Variants in HSPA4 observed in about 807,000 individuals in gnomAD.
HSPA4 encodes heat shock protein family A (Hsp70) member 4.
HSPA4 carries 25 observed loss-of-function variants against 106.2 expected under a neutral mutation model. That is an observed-to-expected ratio of 0.24 (90% CI 0.17 to 0.33). The LOEUF (loss-of-function observed/expected upper bound fraction) is 0.33. HSPA4 is among the 10% of genes least tolerant of loss of function. The probability of loss-of-function intolerance (pLI) is 1.00; values close to 1 mark genes in which losing one functional copy is unlikely to be tolerated. For synonymous variants in HSPA4, 332 were observed against 333.6 expected (o/e 1.00, Z 0.05); for missense variants, 841 against 996.0 (o/e 0.84, Z 2.10).
chr5:133,055,179 C>T (rs1765144267), intron 1 of HSPA4, among the ~76,000 whole-genome samples: 1 of 152,056 alleles, frequency 6.6e-6, no homozygotes, highest in Non-Finnish European at 1.5e-5. Context: ...TATTTTCCTT[C>T]ATAGTTTTCA....
chr5:133,090,305 C>T (rs192150642), intron 11 of HSPA4, among the ~76,000 whole-genome samples: 3,303 of 151,806 alleles, frequency 0.022, 111 homozygotes, highest in African/African-American at 0.075. Flanking sequence ...GTGGCGGGCG[C>T]CTGTAATCCC....
chr5:133,097,660 T>C (rs1032912175), intron 15 of HSPA4, among the ~76,000 whole-genome samples: 15 of 149,872 alleles, frequency 1.0e-4, no homozygotes, highest in African/African-American at 3.7e-4. Flanking sequence ...GCAGTTCTCC[T>C]CCCCCAGCCT....
intron 7 of HSPA4, among the ~76,000 whole-genome samples, chr5:133,081,838 C>T (rs999633570): frequency 7.2e-5 from 11 of 152,068 alleles, no homozygotes; most frequent in African/African-American, 2.7e-4. Flanking sequence ...GCGCTCCAGC[C>T]TGGGTGACAG....
Position 133,052,152 on chromosome 5 carries a change from G to C in HSPA4, c.-99G>C, listed in dbSNP as rs1269975399. The stretch of plus-strand genomic sequence containing the variant: ...ACACCGCAAGCCCCTCAGTAGCCTC[G>C]GCCCAAGAGGCCTGCTTTCCACTCG... On this transcript the variant is annotated 5_prime_UTR_variant, in exon 1 of 19. Coordinates refer to ENST00000304858, the MANE Select transcript of HSPA4 (RefSeq NM_002154.4). 1 of 779,472 alleles carries C rather than the reference G, an allele frequency of 1.3e-6. No individual in the cohort carries two copies. The highest frequency in any genetic ancestry group is 2.1e-6 in the Non-Finnish European group (1 of 476,952). The allele number at this position is 779,472 out of a possible 1,614,324, so 48.3% of individuals were successfully genotyped here.
At chr5:133,074,254 AT>A (rs1050579373) in intron 6 of HSPA4, 128 bp downstream of exon 6, 3 of 483,444 alleles carry the variant, frequency 6.2e-6, no homozygotes, top group African/African-American at 4.1e-5. Context: ...TATTCAGAGG[AT>A]TTTTTTTCTT....
rs185632782 is a variant in HSPA4 at position 133,058,894 on chromosome 5, G to A, written c.108-6086G>A. 2.7e-4 allele frequency among the ~76,000 whole-genome samples: 41 copies of A among 151,914 alleles called. No homozygotes were observed. The East Asian group carries it at 7.8e-3, about 29-fold the overall frequency. ...TGTAATCCCAGCACTTTCGAAGGCC[G>A]AGGTGGGCAAATCCCCTGAGGCCAG... On this transcript the variant is annotated intron_variant, in intron 1 of 18. Coordinates refer to ENST00000304858, the MANE Select transcript of HSPA4 (RefSeq NM_002154.4).
At position 133,104,279 on chromosome 5, in the gene HSPA4, A is replaced by C; in HGVS notation, c.2366A>C (p.Lys789Thr). The C allele has an allele frequency of 6.2e-7, 1 of 1,614,162 alleles. No individual in the cohort carries two copies. Among genetic ancestry groups the C allele is most frequent in the East Asian group, 2.2e-5 (1 of 44,884 alleles). The change falls in exon 19 of 19, where the codon AAA becomes ACA. Residue 789 changes from lysine (K) to threonine (T), a missense_variant. Physicochemically the swap from Lys to Thr is moderately conservative, Grantham distance 78. Coordinates refer to ENST00000304858, the MANE Select transcript of HSPA4 (RefSeq NM_002154.4). ...CSPIISKPKP[K>T]VEPPKEEQKN... ...CCTATAATTTCAAAGCCCAAACCCA[A>C]AGTGGAACCTCCAAAAGAGGAACAA...
At chr5:133,067,653 G>A (rs1765325476) in intron 3 of HSPA4, 96 bp downstream of exon 3, 1 of 1,082,256 alleles carries the variant, frequency 9.2e-7, no homozygotes. Flanking sequence ...AGATTGCAAT[G>A]AAAATGCTTA....
At position 133,104,674 on chromosome 5, in the gene HSPA4, A is replaced by G; in HGVS notation, c.*238A>G. 1 of 481,702 alleles carries G rather than the reference A, an allele frequency of 2.1e-6. No individual in the cohort carries two copies. Among genetic ancestry groups the G allele is most frequent in the Non-Finnish European group, 3.7e-6 (1 of 267,672 alleles). The allele number at this position is 481,702 out of a possible 1,614,324, so 29.8% of individuals were successfully genotyped here. A position where few individuals can be genotyped will look rare whatever the true frequency, so the allele number is the denominator to read the frequency against. On this transcript the variant is annotated 3_prime_UTR_variant, in exon 19 of 19. Coordinates refer to ENST00000304858, the MANE Select transcript of HSPA4 (RefSeq NM_002154.4). The stretch of plus-strand genomic sequence containing the variant: ...ACTATTTAGAAGCCCAGTTAGTCTT[A>G]CTGAGCTTATGCTTCACTCCTTTAT...
chr5:133,082,859 G>T (rs1765529619), intron 7 of HSPA4, among the ~76,000 whole-genome samples: 1 of 152,100 alleles, frequency 6.6e-6, no homozygotes, highest in African/African-American at 2.4e-5. Flanking sequence ...CTACTGTCCA[G>T]GCATGGTGGC....
At position 133,097,275 on chromosome 5, in the gene HSPA4, G is replaced by A. The variant is rs1168671175; in HGVS notation, c.1918G>A (p.Val640Met). ...DKLSGEYEKF[V>M]SEDDRNSFTL... ...GCTTAGTGGTGAATATGAGAAGTTT[G>A]TGAGTGAAGATGTAAGTCTGCCACA... Residue 640 changes from valine (V) to methionine (M), a missense_variant, in exon 15 of 19, where the codon GTG (valine) becomes ATG (methionine). Transcript: ENST00000304858. The A allele has an allele frequency of 1.2e-6, 2 of 1,612,870 alleles. No individual in the cohort carries two copies. Among genetic ancestry groups the A allele is most frequent in the East Asian group, 2.2e-5 (1 of 44,784 alleles).
intron 11 of HSPA4, 112 bp downstream of exon 11, chr5:133,089,807 A>T (rs1467083434): frequency 2.6e-6 from 2 of 779,034 alleles, no homozygotes; most frequent in East Asian, 2.8e-5. Context: ...TGAGCTGAGG[A>T]GTTCGAGATC....
At chr5:133,059,584 G>C (rs768456989) in intron 1 of HSPA4, among the ~76,000 whole-genome samples, 5 of 152,152 alleles carry the variant, frequency 3.3e-5, no homozygotes, top group Non-Finnish European at 5.9e-5. Context: ...CTGCATTCCA[G>C]CCTGGGTGAT....
At chr5:133,053,339 T>TC in intron 1 of HSPA4, among the ~76,000 whole-genome samples, 1 of 148,076 alleles carries the variant, frequency 6.8e-6, no homozygotes, top group Non-Finnish European at 1.5e-5. Context: ...TTTTTTTTTT[T>TC]TTTTTTTTCT....
intron 7 of HSPA4, 73 bp downstream of exon 7, chr5:133,076,971 A>G: frequency 7.9e-7 from 1 of 1,267,234 alleles, no homozygotes; most frequent in Non-Finnish European, 1.1e-6. Flanking sequence ...TTAATTGGCT[A>G]ATTGTTAAAA....
At chr5:133,095,705 G>A (rs935211087) in intron 13 of HSPA4, among the ~76,000 whole-genome samples, 20 of 152,110 alleles carry the variant, frequency 1.3e-4, no homozygotes, top group African/African-American at 4.8e-4. Flanking sequence ...GATTGTAGGA[G>A]ATATGTATTT....
chr5:133,060,714 T>A (rs1464327924), intron 1 of HSPA4, among the ~76,000 whole-genome samples: 1 of 152,070 alleles, frequency 6.6e-6, no homozygotes, highest in African/African-American at 2.4e-5. Flanking sequence ...TGTTTTCAGT[T>A]GTCGTTTTTT....
At chr5:133,100,639 G>C (rs910793993) in intron 16 of HSPA4, among the ~76,000 whole-genome samples, 3 of 152,170 alleles carry the variant, frequency 2.0e-5, no homozygotes, top group African/African-American at 7.2e-5. Flanking sequence ...ACAAAAATTA[G>C]CCGAGCGTGG....
intron 16 of HSPA4, among the ~76,000 whole-genome samples, chr5:133,100,026 T>C (rs1765764773): frequency 6.6e-6 from 1 of 151,958 alleles, no homozygotes; most frequent in African/African-American, 2.4e-5. Flanking sequence ...CATCTGGTGG[T>C]TTATTTTTTA....
Sources: gnomAD v4.1 joint callset for allele counts (sites outside exome capture counted in the v4.1 genomes callset) on GRCh38, gnomAD v4.1.1 for gene constraint, MANE v1.5 for transcripts, NCBI Gene and HGNC (gene_info 2026-07-23, HGNC 2026-07-21) for gene names.